Variants in TSGA10 observed in about 807,000 individuals in gnomAD.
The protein encoded by TSGA10 is testis specific 10, also known as testis-specific gene 10 protein.
A neutral mutation model predicts 96.6 loss-of-function variants in TSGA10; 43 were observed. That is an observed-to-expected ratio of 0.44 (90% CI 0.35 to 0.57). TSGA10 has a LOEUF of 0.57. Among genes scored for constraint, TSGA10 ranks in the 20% least tolerant of loss-of-function variants. TSGA10 has a pLI of 0.01. For missense variants in TSGA10, 703 were observed against 834.4 expected (o/e 0.84, Z 1.94); for synonymous variants, 229 against 269.9 (o/e 0.85, Z 1.48).
At chr2:99,147,789 GTATCTATGTATC>G (rs937175559) in intron 1 of TSGA10, among the ~76,000 whole-genome samples, 20 of 107,792 alleles carry the variant, frequency 1.9e-4, no homozygotes, top group Non-Finnish European at 1.2e-4. Flanking sequence ...CTGTCTTTCT[GTATCTATGTATC>G]TATCTATCTA....
chr2:99,078,271 GAAAAAA>G (rs200891345), intron 12 of TSGA10, among the ~76,000 whole-genome samples: 50 of 81,466 alleles, frequency 6.1e-4, no homozygotes, highest in Admixed American at 4.8e-3. Flanking sequence ...ACTCCCGTTT[GAAAAAA>G]AAAAAAAAAA....
At chr2:99,086,421 G>T (rs2088398829) in intron 10 of TSGA10, among the ~76,000 whole-genome samples, 1 of 152,020 alleles carries the variant, frequency 6.6e-6, no homozygotes, top group Non-Finnish European at 1.5e-5. Flanking sequence ...ATGCCAGGTT[G>T]GTTTACAATT....
chr2:99,100,229 T>A (rs2090532967), intron 10 of TSGA10, among the ~76,000 whole-genome samples: 1 of 152,212 alleles, frequency 6.6e-6, no homozygotes, highest in African/African-American at 2.4e-5. Flanking sequence ...CCGGCAATAG[T>A]CAAGACTTTC....
chr2:99,033,064 T>C (rs189498313), intron 17 of TSGA10, among the ~76,000 whole-genome samples: 1 of 152,324 alleles, frequency 6.6e-6, no homozygotes, highest in East Asian at 1.9e-4. Context: ...TTTGTGTCAG[T>C]ATATGAGCAG....
chr2:99,025,441 T>C (rs1405293753), intron 17 of TSGA10, among the ~76,000 whole-genome samples: 1 of 152,190 alleles, frequency 6.6e-6, no homozygotes, highest in Non-Finnish European at 1.5e-5. Flanking sequence ...CCTATGATAC[T>C]TTTTTTATAA....
chr2:99,016,206 G>T (rs182053404), intron 20 of TSGA10, among the ~76,000 whole-genome samples: 2 of 152,138 alleles, frequency 1.3e-5, no homozygotes, highest in Admixed American at 6.5e-5. Context: ...TAAGCAAAAA[G>T]AACAAATCTG....
At chr2:99,142,214 T>G (rs994038615) in intron 1 of TSGA10, 1 of 152,262 alleles carries the variant, frequency 6.6e-6, no homozygotes, top group African/African-American at 2.4e-5. Flanking sequence ...TCTTAATACC[T>G]ACCATGTCCC....
rs777362743 is a variant in TSGA10 at position 99,078,793 on chromosome 2, T to G, written c.748A>C (p.Ile250Leu). 2 of 1,612,660 alleles carry G rather than the reference T, an allele frequency of 1.2e-6. No individual in the cohort carries two copies. The highest frequency in any genetic ancestry group is 1.7e-6 in the Non-Finnish European group (2 of 1,179,700). Reference protein sequence around the residue: ...EKIDNFTRQNIAQREEISILG... With the variant: ...EKIDNFTRQNLAQREEISILG... ...ATGCTGATTTCTTCTCGCTGTGCAA[T>G]ATTTTGCCTTGTAAAGTTATCTATG... The change falls in exon 12 of 21, where the codon ATT becomes CTT. Residue 250 changes from isoleucine to leucine, a missense_variant. Coordinates refer to ENST00000393483, the MANE Select transcript of TSGA10 (RefSeq NM_025244.4).
chr2:99,084,440 C>T (rs967882758), intron 10 of TSGA10, among the ~76,000 whole-genome samples: 3 of 152,148 alleles, frequency 2.0e-5, no homozygotes, highest in Admixed American at 6.5e-5. Context: ...TGGGACCTCC[C>T]CTTTTCTCTT....
chr2:99,070,950 A>C (rs1574043970), intron 14 of TSGA10, among the ~76,000 whole-genome samples: 1 of 152,116 alleles, frequency 6.6e-6, no homozygotes, highest in African/African-American at 2.4e-5. Context: ...TCCTTTTTCT[A>C]TTCCAGGATC....
intron 7 of TSGA10, among the ~76,000 whole-genome samples, chr2:99,108,339 T>C (rs1362345043): frequency 1.3e-5 from 2 of 152,140 alleles, no homozygotes; most frequent in African/African-American, 4.8e-5. Flanking sequence ...ATGGGTGATT[T>C]ATAGGATTTA....
chr2:99,046,203 C>T (rs2104294281), intron 16 of TSGA10, among the ~76,000 whole-genome samples: 1 of 152,294 alleles, frequency 6.6e-6, no homozygotes, highest in Middle Eastern at 3.4e-3. Context: ...GAATTGAACT[C>T]AGCTCTGCAC....
chr2:99,020,040 T>C (rs1307653029), intron 18 of TSGA10, among the ~76,000 whole-genome samples: 1 of 152,206 alleles, frequency 6.6e-6, no homozygotes. Flanking sequence ...GGCAGTATTT[T>C]AGATCAGACA....
intron 10 of TSGA10, chr2:99,102,256 C>T: frequency 6.2e-7 from 1 of 1,612,478 alleles, no homozygotes; most frequent in Non-Finnish European, 8.5e-7. Flanking sequence ...GGTGGCAAAG[C>T]TACTTTGGTG....
chr2:99,079,000 C>T, intron 11 of TSGA10, 187 bp from the exon 12 acceptor site: 3 of 438,818 alleles, frequency 6.8e-6, no homozygotes, highest in Non-Finnish European at 1.2e-5. Flanking sequence ...AATCACAAAA[C>T]TCTAAATGAT....
chr2:99,130,316 G>A lies in TSGA10; in HGVS notation c.-620-3140C>T, dbSNP rs1398945682. Among the ~76,000 whole-genome samples the A allele has an allele frequency of 2.6e-5, 4 of 151,934 alleles. No individual in the cohort carries two copies. In the East Asian group the frequency reaches 5.8e-4, roughly 22 times the overall value. On this transcript the variant is annotated intron_variant, in intron 1 of 20. Transcript: ENST00000393483. ...GCTGTTTCCCGACTTTTTAATGATC[G>A]CCATTCAAACTGGTATGAGATGGTA...
At chr2:99,076,671 G>T (rs1203067673) in intron 12 of TSGA10, among the ~76,000 whole-genome samples, 4 of 151,800 alleles carry the variant, frequency 2.6e-5, no homozygotes, top group African/African-American at 9.7e-5. Context: ...TCTTTTCTTT[G>T]CCCTCCCATA....
intron 12 of TSGA10, among the ~76,000 whole-genome samples, chr2:99,073,634 A>G (rs1002732830): frequency 2.6e-5 from 4 of 152,220 alleles, no homozygotes; most frequent in African/African-American, 9.6e-5. Flanking sequence ...GTGAGAGCTA[A>G]TAAGAAGGTA....
At position 99,041,113 on chromosome 2, in the gene TSGA10, A is replaced by G. The variant is rs149936439; in HGVS notation, c.1405-5674T>C. On this transcript the variant is annotated intron_variant, in intron 16 of 20. Transcript: ENST00000393483. ...TACCTATTTAGGAAAGTTTTAGGTTATTAGCAAATTGGGTATCAGTTTAAG... is the reference window on the plus strand; with the variant it reads ...TACCTATTTAGGAAAGTTTTAGGTTGTTAGCAAATTGGGTATCAGTTTAAG... Among the ~76,000 whole-genome samples the G allele has an allele frequency of 3.2e-4, 49 of 152,338 alleles. No homozygotes were observed. In the East Asian group the frequency reaches 6.4e-3, roughly 20 times the overall value.
Sources: allele counts gnomAD v4.1 joint callset (sites outside exome capture counted in the v4.1 genomes callset), GRCh38; gene constraint gnomAD v4.1.1; transcripts MANE v1.5; gene names NCBI Gene and HGNC (gene_info 2026-07-23, HGNC 2026-07-21).